SIRT2: variants seen among roughly 807,000 people sequenced by gnomAD.
SIRT2 encodes sirtuin 2, also known as NAD-dependent protein deacetylase sirtuin-2.
SIRT2 carries 40 observed loss-of-function variants against 57.4 expected under a neutral mutation model. That is an observed-to-expected ratio of 0.70 (90% CI 0.54 to 0.91). The LOEUF is 0.91. Ranked by LOEUF, SIRT2 falls within the 40% of genes least tolerant of loss-of-function variation. SIRT2 has a pLI of 0.00. For synonymous variants in SIRT2, 161 were observed against 195.7 expected (o/e 0.82, Z 1.48); for missense variants, 439 against 510.4 (o/e 0.86, Z 1.35).
At chr19:38,895,613 T>TA (rs1973691023) in intron 2 of SIRT2, among the ~76,000 whole-genome samples, 1 of 152,176 alleles carries the variant, frequency 6.6e-6, no homozygotes, top group South Asian at 2.1e-4. Context: ...CTTCCGAACA[T>TA]ACGACAATTT....
In SIRT2 at chr19:38,879,659, A is replaced by C. The variant is rs1211378840; in HGVS notation, c.920T>G (p.Met307Arg). 1 of 1,575,142 alleles carries C rather than the reference A, an allele frequency of 6.3e-7. No individual in the cohort carries two copies. Among genetic ancestry groups the C allele is most frequent in the Non-Finnish European group, 8.6e-7 (1 of 1,160,056 alleles). The part of the protein sequence containing the change: ...LGMIMGLGGG[M>R]DFDSKKAYRD... Reference sequence around the variant, plus strand: ...GTAGGCCTTCTTGGAGTCAAAGTCCATGCCTCCTCCGAGGCCCATAATCAT... The same window carrying C: ...GTAGGCCTTCTTGGAGTCAAAGTCCCTGCCTCCTCCGAGGCCCATAATCAT... The change falls in exon 14 of 16, where the codon ATG (methionine) becomes AGG (arginine). Residue 307 changes from methionine to arginine, a missense_variant. By Grantham distance (91) the Met-to-Arg change is moderately conservative. Transcript: ENST00000249396.
At chr19:38,883,084 T>G (rs550539049) in intron 9 of SIRT2, among the ~76,000 whole-genome samples, 2 of 149,874 alleles carry the variant, frequency 1.3e-5, no homozygotes, top group Non-Finnish European at 1.5e-5. Flanking sequence ...TGTTTTTTTT[T>G]TTTTTTTTTT....
At chr19:38,897,316 T>C (rs1232361945) in intron 2 of SIRT2, among the ~76,000 whole-genome samples, 1 of 152,184 alleles carries the variant, frequency 6.6e-6, no homozygotes, top group Non-Finnish European at 1.5e-5. Flanking sequence ...CCCAGGTCTT[T>C]GCACAAGCGA....
At chr19:38,886,998 G>C (rs964009554) in intron 8 of SIRT2, among the ~76,000 whole-genome samples, 1 of 151,054 alleles carries the variant, frequency 6.6e-6, no homozygotes, top group Non-Finnish European at 1.5e-5. Flanking sequence ...AGTGCAGTGG[G>C]GCAATCTCAG....
rs189700005 is a variant in SIRT2 at position 38,885,494 on chromosome 19, C to T, written c.502-1738G>A. Among the ~76,000 whole-genome samples the T allele has an allele frequency of 5.9e-4, 89 of 150,084 alleles. No individual in the cohort carries two copies. The East Asian group carries it at 7.6e-3, about 13-fold the overall frequency. Reference sequence around the variant, plus strand: ...AGGCTGGAGTACAATGGCGCTATCTCGGCTCACTGCAACCACTGCCTCCTG... The same window carrying T: ...AGGCTGGAGTACAATGGCGCTATCTTGGCTCACTGCAACCACTGCCTCCTG... On this transcript the variant is annotated intron_variant, in intron 8 of 15. Transcript: ENST00000249396.
chr19:38,878,869 T>A lies in SIRT2; in HGVS notation c.*286A>T. ...AAGTTCTGGGGTAGCCCTGGCCCCGTGGGGGCAGTTAGAGATGAGGGAGGT... is the reference window on the plus strand; with the variant it reads ...AAGTTCTGGGGTAGCCCTGGCCCCGAGGGGGCAGTTAGAGATGAGGGAGGT... On this transcript the variant is annotated 3_prime_UTR_variant, in exon 16 of 16. Coordinates refer to ENST00000249396, the MANE Select transcript of SIRT2 (RefSeq NM_012237.4). The A allele has an allele frequency of 2.8e-6, 1 of 354,668 alleles. No individual in the cohort carries two copies. The highest frequency in any genetic ancestry group is 5.0e-6 in the Non-Finnish European group (1 of 198,072). 22.0% of individuals were successfully genotyped at this position (354,668 alleles called of 1,614,324 possible).
chr19:38,884,398 C>T (rs751043144), intron 8 of SIRT2, among the ~76,000 whole-genome samples: 1 of 152,302 alleles, frequency 6.6e-6, no homozygotes, highest in South Asian at 2.1e-4. Context: ...TCTAGGCAAG[C>T]ATTAACATAA....
chr19:38,892,937 C>A (rs1420514423), intron 4 of SIRT2, among the ~76,000 whole-genome samples: 1 of 152,188 alleles, frequency 6.6e-6, no homozygotes, highest in Non-Finnish European at 1.5e-5. Flanking sequence ...TAATCATTAT[C>A]CTCATTTTAT....
chr19:38,893,648 C>G (rs781345176), intron 3 of SIRT2, 121 bp from the exon 4 acceptor site: 3 of 1,173,398 alleles, frequency 2.6e-6, no homozygotes, highest in Non-Finnish European at 3.7e-6. Flanking sequence ...GCACAAGGCC[C>G]GGCCCAGCCA....
intron 14 of SIRT2, 63 bp from the exon 15 acceptor site, chr19:38,879,563 G>C: frequency 6.4e-7 from 1 of 1,556,386 alleles, no homozygotes. Context: ...CCTCTCATCT[G>C]CCTTCGTGCC....
At chr19:38,883,357 A>G (rs10417695) in intron 9 of SIRT2, among the ~76,000 whole-genome samples, 9,385 of 151,796 alleles carry the variant, frequency 0.062, 914 homozygotes, top group African/African-American at 0.21. Context: ...CCAAAGTGCT[A>G]GGATTACAGG....
In SIRT2 at chr19:38,880,901, C is replaced by T. The variant is rs779821357; in HGVS notation, c.748-4G>A. The stretch of plus-strand genomic sequence containing the variant: ...GGAGGTCCACCTTCAGGAAGTCCTG[C>T]GGGGAGGGGCGTGAGCTTGGGAGCC... On this transcript the variant is annotated splice_polypyrimidine_tract_variant and splice_region_variant and intron_variant, in intron 11 of 15. Transcript: ENST00000249396. The surrounding 1 kb of genome is among the most constrained non-coding windows in gnomAD (Gnocchi z 4.1). The T allele has an allele frequency of 4.3e-6, 7 of 1,612,978 alleles. No homozygotes were observed. The highest frequency in any genetic ancestry group is 2.2e-5 in the East Asian group (1 of 44,872).
intron 11 of SIRT2, 93 bp downstream of exon 11, chr19:38,881,007 C>A: frequency 6.5e-7 from 1 of 1,549,580 alleles, no homozygotes; most frequent in Non-Finnish European, 8.9e-7. Flanking sequence ...GGGGAGGTGA[C>A]CTTTCCTGAG....
intron 13 of SIRT2, 138 bp from the exon 14 acceptor site, chr19:38,879,840 T>C: frequency 1.5e-6 from 1 of 659,060 alleles, no homozygotes; most frequent in East Asian, 2.7e-5. Context: ...TTTGGTTTTT[T>C]TTGAGACAAA....
chr19:38,898,438 A>G lies in SIRT2; in HGVS notation c.17-13T>C, dbSNP rs1600135153. 2 of 1,508,682 alleles carry G rather than the reference A, an allele frequency of 1.3e-6. No homozygotes were observed. Among genetic ancestry groups the G allele is most frequent in the Non-Finnish European group, 1.8e-6 (2 of 1,117,654 alleles). 93.5% of individuals were successfully genotyped at this position (1,508,682 alleles called of 1,614,324 possible). On this transcript the variant is annotated splice_polypyrimidine_tract_variant and intron_variant, in intron 1 of 15. Coordinates refer to ENST00000249396, the MANE Select transcript of SIRT2 (RefSeq NM_012237.4). The stretch of plus-strand genomic sequence containing the variant: ...AGAGGGTGAGAGGCTGGGGGAGGGG[A>G]GCAGAGGTGGTTACAGTGGGGAGAA...
At position 38,893,475 on chromosome 19, in the gene SIRT2, C is replaced by A. The variant is rs762039728; in HGVS notation, c.165G>T (p.Lys55Asn). 1.1e-5 allele frequency: 17 copies of A among 1,614,106 alleles called. No individual in the cohort carries two copies. The South Asian group carries it at 1.9e-4, about 18-fold the overall frequency. ...AGGTCAGCTCGTCCAGCAGACGCTC[C>A]TTCTGGCTGCCCAGGCTGAGCGTCT... ...FSQTLSLGSQ[K>N]ERLLDELTLE... The change falls in exon 4 of 16, where the codon AAG (lysine) becomes AAT (asparagine). Residue 55 changes from lysine to asparagine, a missense_variant. By Grantham distance (94) the Lys-to-Asn change is moderately conservative. Transcript: ENST00000249396.
At position 38,889,760 on chromosome 19, in the gene SIRT2, G is replaced by C; in HGVS notation, c.376-15C>G. On this transcript the variant is annotated splice_polypyrimidine_tract_variant and intron_variant, in intron 6 of 15. Coordinates refer to ENST00000249396, the MANE Select transcript of SIRT2 (RefSeq NM_012237.4). ...TCCGGATGTTTCTGTAGGAGAGACA[G>C]CCAGAGGGCCAGATGCCCCAGGTAG... The C allele has an allele frequency of 6.2e-7, 1 of 1,614,202 alleles. No homozygotes were observed. The highest frequency in any genetic ancestry group is 1.1e-5 in the South Asian group (1 of 91,092).
chr19:38,880,378 C>T lies in SIRT2; in HGVS notation c.876+307G>A. On this transcript the variant is annotated intron_variant, in intron 13 of 15. Coordinates refer to ENST00000249396, the MANE Select transcript of SIRT2 (RefSeq NM_012237.4). This position sits in a 1 kb window ranked among gnomAD's most constrained non-coding sequence, Gnocchi z 4.1. ...AAAAACAGACCTGAGAGACCCAGAG[C>T]GTGGACCCAACCCCGCCCCCCGCAC... 4 of 344,378 alleles carry T rather than the reference C, an allele frequency of 1.2e-5. No homozygotes were observed. The highest frequency in any genetic ancestry group is 9.8e-5 in the East Asian group (2 of 20,354). The allele number at this position is 344,378 out of a possible 1,614,324, so 21.3% of individuals were successfully genotyped here.
intron 4 of SIRT2, chr19:38,890,671 C>CA (rs1432881374): frequency 6.8e-6 from 1 of 147,430 alleles, no homozygotes; most frequent in Non-Finnish European, 1.5e-5. Flanking sequence ...GCCTGGGTGA[C>CA]AGAGCGAGAC....
Sources: gnomAD v4.1 joint callset for allele counts (sites outside exome capture counted in the v4.1 genomes callset) on GRCh38, gnomAD v4.1.1 for gene constraint, Gnocchi (gnomAD v3.1) non-coding constraint, MANE v1.5 for transcripts, NCBI Gene and HGNC (gene_info 2026-07-23, HGNC 2026-07-21) for gene names.